The following AGPAT4 variants were observed in gnomAD, a reference collection of about 807,000 sequenced individuals.
AGPAT4 encodes 1-acylglycerol-3-phosphate O-acyltransferase 4, also known as 1-acyl-sn-glycerol-3-phosphate acyltransferase delta.
A neutral mutation model predicts 48.0 loss-of-function variants in AGPAT4; 15 were observed. The observed-to-expected ratio is 0.31, with a 90% CI of 0.21 to 0.48. AGPAT4 has a LOEUF of 0.48. AGPAT4 is among the 20% of genes least tolerant of loss of function. The probability of loss-of-function intolerance (pLI) is 0.99; values close to 1 mark genes in which losing one functional copy is unlikely to be tolerated. For missense variants in AGPAT4, 314 were observed against 482.5 expected, an observed-to-expected ratio of 0.65 and a Z score of 3.27; for synonymous variants, 178 against 198.7, an observed-to-expected ratio of 0.90 and a Z score of 0.88.
rs1160823311 is a variant in AGPAT4, at chr6:161,143,904, T to A, written c.843+2620A>T. 1 of 309,480 alleles carries A rather than the reference T, an allele frequency of 3.2e-6. No individual in the cohort carries two copies. Among genetic ancestry groups the A allele is most frequent in the Non-Finnish European group, 6.4e-6 (1 of 156,472 alleles). The allele number at this position is 309,480 out of a possible 1,614,324, so 19.2% of individuals were successfully genotyped here. On this transcript the variant is annotated intron_variant, in intron 7 of 8. Coordinates refer to ENST00000320285, the MANE Select transcript of AGPAT4 (RefSeq NM_020133.3). This position sits in a 1 kb window ranked among gnomAD's most constrained non-coding sequence, Gnocchi z 4.7. ...TCCCATTTTGCAGAAACTTTACTTG[T>A]CCATGAAATTGAAAAGTCAGAGAAC...
chr6:161,269,302 C>T (rs1783357028), intron 1 of AGPAT4, among the ~76,000 whole-genome samples: 1 of 152,120 alleles, frequency 6.6e-6, no homozygotes, highest in Non-Finnish European at 1.5e-5. Context: ...CAAATGTTTA[C>T]CATCCTTATG....
rs1234286187 is a variant in AGPAT4, at chr6:161,225,146, C to T, written c.178+6890G>A. On this transcript the variant is annotated intron_variant, in intron 2 of 8. Coordinates refer to ENST00000320285, the MANE Select transcript of AGPAT4 (RefSeq NM_020133.3). This position sits in a 1 kb window ranked among gnomAD's most constrained non-coding sequence, Gnocchi z 5.0. ...ATTACCTGCTCCACCCTGACTCCTT[C>T]CGATGACCTGCTCCACCCTGACTCA... Among the ~76,000 whole-genome samples the T allele has an allele frequency of 6.6e-6, 1 of 151,922 alleles. No homozygotes were observed. Among genetic ancestry groups the T allele is most frequent in the Non-Finnish European group, 1.5e-5 (1 of 67,972 alleles).
chr6:161,231,688 A>G lies in AGPAT4; in HGVS notation c.178+348T>C, dbSNP rs1482376504. On this transcript the variant is annotated intron_variant, in intron 2 of 8. Transcript: ENST00000320285. This position sits in a 1 kb window ranked among gnomAD's most constrained non-coding sequence, Gnocchi z 5.3. ...TAGATATATACACAGAAAGACGCAC[A>G]TGCATTTACAAGTATAAGAGCTATA... 6.6e-6 allele frequency among the ~76,000 whole-genome samples: 1 copy of G among 152,236 alleles called. No homozygotes were observed. The highest frequency in any genetic ancestry group is 2.4e-5 in the African/African-American group (1 of 41,460).
In AGPAT4 at chr6:161,254,920, C is replaced by T. The variant is rs916974347; in HGVS notation, c.-90+19018G>A. 6.6e-6 allele frequency among the ~76,000 whole-genome samples: 1 copy of T among 152,178 alleles called. No homozygotes were observed. Among genetic ancestry groups the T allele is most frequent in the Non-Finnish European group, 1.5e-5 (1 of 68,036 alleles). ...GCTGGAGAGCTCCAGAAATCCAGCG[C>T]CTGGGCTCACAAAAGCCAGCCCTGA... On this transcript the variant is annotated intron_variant, in intron 1 of 8. Transcript: ENST00000320285. The surrounding 1 kb of genome is among the most constrained non-coding windows in gnomAD (Gnocchi z 5.9).
In AGPAT4 at chr6:161,196,939, C is replaced by T. The variant is rs188168468; in HGVS notation, c.179-30522G>A. Among the ~76,000 whole-genome samples, 9 of 152,136 alleles carry T rather than the reference C, an allele frequency of 5.9e-5. No homozygotes were observed. The highest frequency in any genetic ancestry group is 8.8e-5 in the Non-Finnish European group (6 of 68,014). On this transcript the variant is annotated intron_variant, in intron 2 of 8. Coordinates refer to ENST00000320285, the MANE Select transcript of AGPAT4 (RefSeq NM_020133.3). The surrounding 1 kb of genome is among the most constrained non-coding windows in gnomAD (Gnocchi z 4.3). ...AACATTTGGGCACTTACTGGGTGCC[C>T]GGAACTGCTCCAGGCACTGGGGAAG...
At position 161,130,384 on chromosome 6, in the gene AGPAT4, T is replaced by G; in HGVS notation, c.*6156A>C. ...TTTTATGTACTGAAAAGTCATCCAT[T>G]GAATGGTCTGTTCCTGAATGTCGCC... On this transcript the variant is annotated 3_prime_UTR_variant, in exon 9 of 9. Transcript: ENST00000320285. 1 of 154,718 alleles carries G rather than the reference T, an allele frequency of 6.5e-6. No homozygotes were observed. The highest frequency in any genetic ancestry group is 1.4e-5 in the Non-Finnish European group (1 of 69,492). 9.6% of individuals were successfully genotyped at this position (154,718 alleles called of 1,614,324 possible).
At position 161,251,542 on chromosome 6, in the gene AGPAT4, C is replaced by CCTCT. The variant is rs1227244119; in HGVS notation, c.-89-19244_-89-19241dup. Among the ~76,000 whole-genome samples, 9 of 152,170 alleles carry CCTCT rather than the reference C, an allele frequency of 5.9e-5. No individual in the cohort carries two copies. Among genetic ancestry groups the CCTCT allele is most frequent in the Non-Finnish European group, 1.3e-4 (9 of 68,036 alleles). On this transcript the variant is annotated intron_variant, in intron 1 of 8. Coordinates refer to ENST00000320285, the MANE Select transcript of AGPAT4 (RefSeq NM_020133.3). The surrounding 1 kb of genome is among the most constrained non-coding windows in gnomAD (Gnocchi z 4.6). ...TGGCCTCTCCACCTGATCTCCTCTT[C>CCTCT]CTCTCCCAGAGGCTGCACAACGTTA...
At chr6:161,185,768 C>T (rs1012487143) in intron 2 of AGPAT4, among the ~76,000 whole-genome samples, 7 of 152,244 alleles carry the variant, frequency 4.6e-5, no homozygotes, top group Middle Eastern at 3.4e-3. Context: ...GCTTGGGCAC[C>T]GCTGCCTCTT....
intron 1 of AGPAT4, among the ~76,000 whole-genome samples, chr6:161,258,123 A>G (rs1386227538): frequency 6.6e-6 from 1 of 152,238 alleles, no homozygotes; most frequent in Non-Finnish European, 1.5e-5. Flanking sequence ...AACTTTTAAA[A>G]ACAAGGAATT....
rs1193568895 is a variant in AGPAT4, at chr6:161,178,172, C to A, written c.179-11755G>T. The stretch of plus-strand genomic sequence containing the variant: ...GTGCTGGGAGAACCACTACTCTCTT[C>A]AAAGCTGTCAGACAGGGACCTTTAA... On this transcript the variant is annotated intron_variant, in intron 2 of 8. Transcript: ENST00000320285. This position sits in a 1 kb window ranked among gnomAD's most constrained non-coding sequence, Gnocchi z 5.1. Among the ~76,000 whole-genome samples, 2 of 152,298 alleles carry A rather than the reference C, an allele frequency of 1.3e-5. No homozygotes were observed. Among genetic ancestry groups the A allele is most frequent in the South Asian group, 2.1e-4 (1 of 4,824 alleles).
At position 161,264,426 on chromosome 6, in the gene AGPAT4, C is replaced by G. The variant is rs918752316; in HGVS notation, c.-90+9512G>C. On this transcript the variant is annotated intron_variant, in intron 1 of 8. Transcript: ENST00000320285. This position sits in a 1 kb window ranked among gnomAD's most constrained non-coding sequence, Gnocchi z 6.8. ...GCCCACTCCTCTGGTCTCTGGCACT[C>G]CGTGAGAAGCGTGCACACTGGGACC... is the stretch of plus-strand genomic sequence containing the variant. 2.0e-5 allele frequency among the ~76,000 whole-genome samples: 3 copies of G among 152,326 alleles called. No homozygotes were observed. The South Asian group carries it at 6.2e-4, about 32-fold the overall frequency.
At chr6:161,192,142 CTTTTTTTTTTTT>C (rs573872820) in intron 2 of AGPAT4, among the ~76,000 whole-genome samples, 1 of 45,612 alleles carries the variant, frequency 2.2e-5, no homozygotes, top group Non-Finnish European at 3.5e-5. Context: ...AGAAGTTATA[CTTTTTTTTTTTT>C]TTTTTTTTTT....
In AGPAT4 at chr6:161,231,378, C is replaced by CA. The variant is rs1782117721; in HGVS notation, c.178+657dup. On this transcript the variant is annotated intron_variant, in intron 2 of 8. Coordinates refer to ENST00000320285, the MANE Select transcript of AGPAT4 (RefSeq NM_020133.3). The surrounding 1 kb of genome is among the most constrained non-coding windows in gnomAD (Gnocchi z 5.3). ...AATCAAACATACACGGACACATACA[C>CA]ACACACAAATGAGTGTACTTAAAAG... Among the ~76,000 whole-genome samples, 1 of 150,900 alleles carries CA rather than the reference C, an allele frequency of 6.6e-6. No homozygotes were observed. The highest frequency in any genetic ancestry group is 1.5e-5 in the Non-Finnish European group (1 of 68,014).
Position 161,242,030 on chromosome 6 carries a change from G to A in AGPAT4, c.-89-9728C>T, listed in dbSNP as rs1235936774. Among the ~76,000 whole-genome samples, 6 of 152,172 alleles carry A rather than the reference G, an allele frequency of 3.9e-5. No individual in the cohort carries two copies. The East Asian group carries it at 9.6e-4, about 24-fold the overall frequency. ...TTACAGGCGTGAGCCACAGCACCTGGCCAAAAATGTTTACAGTTAAACATC... is the reference window on the plus strand; with the variant it reads ...TTACAGGCGTGAGCCACAGCACCTGACCAAAAATGTTTACAGTTAAACATC... On this transcript the variant is annotated intron_variant, in intron 1 of 8. Transcript: ENST00000320285. The surrounding 1 kb of genome is among the most constrained non-coding windows in gnomAD (Gnocchi z 5.0).
chr6:161,158,070 C>T lies in AGPAT4; in HGVS notation c.349-3760G>A, dbSNP rs529839701. Reference sequence around the variant, plus strand: ...TCCCAGAGCAAGCAGTATCTGAACACCTCCTTATTCAACCCATTTTCTCTG... The same window carrying T: ...TCCCAGAGCAAGCAGTATCTGAACATCTCCTTATTCAACCCATTTTCTCTG... On this transcript the variant is annotated intron_variant, in intron 3 of 8. Transcript: ENST00000320285. This position sits in a 1 kb window ranked among gnomAD's most constrained non-coding sequence, Gnocchi z 5.3. Among the ~76,000 whole-genome samples, 67 of 152,332 alleles carry T rather than the reference C, an allele frequency of 4.4e-4. 5 individuals carry two copies. The South Asian group carries it at 0.014, about 31-fold the overall frequency.
At chr6:161,252,720 G>A (rs968119271) in intron 1 of AGPAT4, among the ~76,000 whole-genome samples, 7 of 152,172 alleles carry the variant, frequency 4.6e-5, no homozygotes, top group Admixed American at 1.3e-4. Flanking sequence ...TGAGGTGGGA[G>A]GATCACCTGA....
At position 161,259,564 on chromosome 6, in the gene AGPAT4, A is replaced by G. The variant is rs1783041892; in HGVS notation, c.-90+14374T>C. ...TCACTAACTCTATACTCAATGCAGGAAAGGCTACAGCATTTGCCAGGCCTG... is the reference window on the plus strand; with the variant it reads ...TCACTAACTCTATACTCAATGCAGGGAAGGCTACAGCATTTGCCAGGCCTG... On this transcript the variant is annotated intron_variant, in intron 1 of 8. Transcript: ENST00000320285. This position sits in a 1 kb window ranked among gnomAD's most constrained non-coding sequence, Gnocchi z 4.9. Among the ~76,000 whole-genome samples the G allele has an allele frequency of 6.6e-6, 1 of 151,996 alleles. No homozygotes were observed. The highest frequency in any genetic ancestry group is 1.5e-5 in the Non-Finnish European group (1 of 67,998).
At chr6:161,156,641 T>C (rs1779776675) in intron 3 of AGPAT4, among the ~76,000 whole-genome samples, 1 of 152,248 alleles carries the variant, frequency 6.6e-6, no homozygotes, top group Non-Finnish European at 1.5e-5. Flanking sequence ...TGCTGGGCTG[T>C]TGGGAACAGG....
chr6:161,265,416 C>T (rs1021839902), intron 1 of AGPAT4, among the ~76,000 whole-genome samples: 4 of 140,892 alleles, frequency 2.8e-5, no homozygotes, highest in African/African-American at 5.3e-5. Flanking sequence ...TAGTACCCAC[C>T]GCTGGACTGG....
Sources: gnomAD v4.1 joint callset for allele counts (sites outside exome capture counted in the v4.1 genomes callset) on GRCh38, gnomAD v4.1.1 for gene constraint, Gnocchi (gnomAD v3.1) non-coding constraint, MANE v1.5 for transcripts, NCBI Gene and HGNC (gene_info 2026-07-23, HGNC 2026-07-21) for gene names.